MON1A: variants seen among roughly 807,000 people sequenced by gnomAD.
The protein encoded by MON1A is vacuolar fusion protein MON1 homolog A.
In MON1A, 29 loss-of-function variants were observed where a neutral mutation model predicts 44.6. The observed-to-expected ratio is 0.65, with a 90% CI of 0.48 to 0.89. The LOEUF (loss-of-function observed/expected upper bound fraction) is 0.89. Ranked by LOEUF, MON1A falls within the 40% of genes least tolerant of loss-of-function variation. The pLI, the probability that MON1A is intolerant of heterozygous loss-of-function variation, is 0.00. For missense variants in MON1A, 615 were observed against 759.6 expected, an observed-to-expected ratio of 0.81 and a Z score of 2.24; for synonymous variants, 275 against 316.4, an observed-to-expected ratio of 0.87 and a Z score of 1.39.
Position 49,910,169 on chromosome 3 carries a change from A to G in MON1A, c.1329T>C (p.Pro443=). ...PYYSVAQVGI[P]DLRHFLYKSK... is the part of the protein sequence containing the mutation. ...ACTTATAGAGGAAGTGACGCAGGTC[A>G]GGGATGCCCACTTGGGCAACGCTGT... is the stretch of plus-strand genomic sequence containing the variant. Residue 443 remains proline, a synonymous_variant, in exon 4 of 6, where the codon CCT becomes CCC. Coordinates refer to ENST00000296473, the MANE Select transcript of MON1A (RefSeq NM_032355.4). The surrounding 1 kb of genome is among the most constrained non-coding windows in gnomAD (Gnocchi z 8.0). The G allele has an allele frequency of 6.2e-7, 1 of 1,611,198 alleles. No homozygotes were observed. Among genetic ancestry groups the G allele is most frequent in the African/African-American group, 1.3e-5 (1 of 75,012 alleles).
intron 2 of MON1A, chr3:49,912,330 A>T: frequency 3.8e-6 from 1 of 261,386 alleles, no homozygotes; most frequent in East Asian, 7.7e-5. Context: ...CTGCTCTCAG[A>T]TACTTTCAAC....
chr3:49,912,147 C>T, intron 2 of MON1A, 136 bp from the exon 3 acceptor site: 1 of 1,101,140 alleles, frequency 9.1e-7, no homozygotes, highest in South Asian at 1.7e-5. Flanking sequence ...CTGCCACTGT[C>T]TGCCATGGAT....
chr3:49,926,373 C>G (rs1288042828), intron 1 of MON1A, among the ~76,000 whole-genome samples: 1 of 152,222 alleles, frequency 6.6e-6, no homozygotes, highest in Admixed American at 6.5e-5. Flanking sequence ...CTCCTTACCC[C>G]TCTTGCCCTG....
Position 49,917,768 on chromosome 3 carries a change from C to T in MON1A, c.-13-4409G>A, listed in dbSNP as rs554850230. ...AGTCGTTAGAAGAGAACTTCCGGGG[C>T]GAGTGTGGTGGCTCACGCCTGTAAT... On this transcript the variant is annotated intron_variant, in intron 1 of 5. Transcript: ENST00000296473. Among the ~76,000 whole-genome samples the T allele has an allele frequency of 3.3e-5, 5 of 151,554 alleles. No homozygotes were observed. The East Asian group carries it at 7.9e-4, about 24-fold the overall frequency.
intron 1 of MON1A, among the ~76,000 whole-genome samples, chr3:49,928,586 C>T: frequency 6.6e-6 from 1 of 152,062 alleles, no homozygotes. Flanking sequence ...CAGAGAAGGC[C>T]TTCAGAAGCC....
rs756270040 is a variant in MON1A at position 49,911,643 on chromosome 3, TC to T, written c.495del (p.Lys166SerfsTer44). On this transcript the variant is annotated frameshift_variant, in exon 3 of 6. Transcript: ENST00000296473. LOFTEE classifies it high-confidence loss of function. The surrounding 1 kb of genome is among the most constrained non-coding windows in gnomAD (Gnocchi z 5.7). ...QKHVFVLSEAGKPVYSRYGSE... is the reference protein window; with the variant it reads ...QKHVFVLSEAXKPVYSRYGSE... ...GACCCATAGCGGGAGTACACAGGCTTCCCTGCCTCACTCAGCACAAAGACAT... is the reference window on the plus strand; with the variant it reads ...GACCCATAGCGGGAGTACACAGGCTTCCTGCCTCACTCAGCACAAAGACAT... The T allele has an allele frequency of 6.2e-7, 1 of 1,614,108 alleles. No individual in the cohort carries two copies. Among genetic ancestry groups the T allele is most frequent in the Non-Finnish European group, 8.5e-7 (1 of 1,179,968 alleles).
At chr3:49,917,092 C>T (rs1234481872) in intron 1 of MON1A, among the ~76,000 whole-genome samples, 9 of 152,150 alleles carry the variant, frequency 5.9e-5, no homozygotes, top group Non-Finnish European at 1.0e-4. Flanking sequence ...TCCTGAGTCG[C>T]TGGGAACACA....
At chr3:49,921,638 CTT>C (rs34960189) in intron 1 of MON1A, among the ~76,000 whole-genome samples, 227 of 129,724 alleles carry the variant, frequency 1.7e-3, no homozygotes, top group Admixed American at 4.5e-3. Flanking sequence ...CGTGGTAGCA[CTT>C]TTTTTTTTTT....
chr3:49,928,057 T>G (rs1379817012), intron 1 of MON1A, among the ~76,000 whole-genome samples: 2 of 152,236 alleles, frequency 1.3e-5, no homozygotes, highest in Non-Finnish European at 2.9e-5. Context: ...CCTTGTGGGC[T>G]TTAGCTGACT....
intron 1 of MON1A, among the ~76,000 whole-genome samples, chr3:49,918,128 G>A (rs1438114242): frequency 1.3e-5 from 2 of 152,006 alleles, no homozygotes; most frequent in African/African-American, 4.8e-5. Context: ...CCTGAGGTCA[G>A]GAGTTCGCAA....
In MON1A at chr3:49,909,914, T is replaced by C. The variant is rs2082853908; in HGVS notation, c.1379+205A>G. Reference sequence around the variant, plus strand: ...GTATATTGGGCATTTCCAGGCCTTCTGGTTAATAAAGTAGAGAGGGTATGC... The same window carrying C: ...GTATATTGGGCATTTCCAGGCCTTCCGGTTAATAAAGTAGAGAGGGTATGC... On this transcript the variant is annotated intron_variant, in intron 4 of 5. Coordinates refer to ENST00000296473, the MANE Select transcript of MON1A (RefSeq NM_032355.4). The surrounding 1 kb of genome is among the most constrained non-coding windows in gnomAD (Gnocchi z 4.0). 1.8e-6 allele frequency: 1 copy of C among 553,042 alleles called. No homozygotes were observed. The highest frequency in any genetic ancestry group is 3.4e-5 in the South Asian group (1 of 29,130). 34.3% of individuals were successfully genotyped at this position (553,042 alleles called of 1,614,324 possible).
In MON1A at chr3:49,910,370, G is replaced by A. The variant is rs2082860944; in HGVS notation, c.1128C>T (p.Gly376=). ...PVCLPKFNAA[G]FFHAHISYLE... ...GGTAAGAGATGTGTGCGTGGAAGAA[G>A]CCGGCTGCGTTGAATTTGGGCAGGC... Residue 376 remains glycine, a synonymous_variant, in exon 4 of 6, where the codon GGC becomes GGT. Coordinates refer to ENST00000296473, the MANE Select transcript of MON1A (RefSeq NM_032355.4). The surrounding 1 kb of genome is among the most constrained non-coding windows in gnomAD (Gnocchi z 8.0). The A allele has an allele frequency of 1.2e-6, 2 of 1,614,134 alleles. No homozygotes were observed. The highest frequency in any genetic ancestry group is 2.2e-5 in the South Asian group (2 of 91,092).
At chr3:49,918,667 C>T (rs1376127697) in intron 1 of MON1A, among the ~76,000 whole-genome samples, 1 of 151,964 alleles carries the variant, frequency 6.6e-6, no homozygotes, top group East Asian at 2.0e-4. Flanking sequence ...CCGCCTCAGT[C>T]CCCCAAAGTG....
intron 1 of MON1A, among the ~76,000 whole-genome samples, chr3:49,913,894 C>T (rs2082917610): frequency 6.6e-6 from 1 of 151,546 alleles, no homozygotes; most frequent in Admixed American, 6.6e-5. Context: ...GAACTCCTGA[C>T]CTCAAGTGAT....
chr3:49,917,308 C>T (rs557054480), intron 1 of MON1A, among the ~76,000 whole-genome samples: 18 of 152,018 alleles, frequency 1.2e-4, no homozygotes, highest in African/African-American at 2.4e-4. Context: ...TTCTTTGAGA[C>T]GGAGTCTGGC....
chr3:49,919,139 C>T (rs2082974140), intron 1 of MON1A, among the ~76,000 whole-genome samples: 1 of 152,104 alleles, frequency 6.6e-6, no homozygotes, highest in African/African-American at 2.4e-5. Flanking sequence ...GTGGTGATCA[C>T]ACCACTGCAC....
At chr3:49,917,247 CCAG>C (rs1421420004) in intron 1 of MON1A, among the ~76,000 whole-genome samples, 1 of 152,204 alleles carries the variant, frequency 6.6e-6, no homozygotes, top group African/African-American at 2.4e-5. Flanking sequence ...CAGCTGTGAG[CCAG>C]CACCCGGCCT....
Position 49,910,490 on chromosome 3 carries a change from C to T in MON1A, c.1008G>A (p.Lys336=), listed in dbSNP as rs758022535. Reference sequence around the variant, plus strand: ...GGTCGATGGGGTGCAGAAATTGGTCCTTTCGGCGCACGAGTGCCACGAGCT... The same window carrying T: ...GGTCGATGGGGTGCAGAAATTGGTCTTTTCGGCGCACGAGTGCCACGAGCT... The part of the protein sequence containing the change: ...RNQLVALVRR[K]DQFLHPIDLH... Residue 336 remains lysine (K), a synonymous_variant, in exon 4 of 6, where the codon AAG becomes AAA. Coordinates refer to ENST00000296473, the MANE Select transcript of MON1A (RefSeq NM_032355.4). This position sits in a 1 kb window ranked among gnomAD's most constrained non-coding sequence, Gnocchi z 8.0. 8.1e-6 allele frequency: 13 copies of T among 1,613,972 alleles called. No individual in the cohort carries two copies. The South Asian group carries it at 1.4e-4, about 18-fold the overall frequency.
At position 49,910,896 on chromosome 3, in the gene MON1A, A is replaced by T. The variant is rs781396313; in HGVS notation, c.614-12T>A. 3 of 1,581,232 alleles carry T rather than the reference A, an allele frequency of 1.9e-6. No individual in the cohort carries two copies. Among genetic ancestry groups the T allele is most frequent in the Non-Finnish European group, 2.6e-6 (3 of 1,159,044 alleles). On this transcript the variant is annotated splice_polypyrimidine_tract_variant and intron_variant, in intron 3 of 5. Transcript: ENST00000296473. This position sits in a 1 kb window ranked among gnomAD's most constrained non-coding sequence, Gnocchi z 8.0. ...TACCTTGTAGCCATCTGAGAGCGGG[A>T]CAGGAAAGAAGGATGTCAGCCTCAG...
Sources: gnomAD v4.1 joint callset for allele counts (sites outside exome capture counted in the v4.1 genomes callset) on GRCh38, gnomAD v4.1.1 for gene constraint, Gnocchi (gnomAD v3.1) non-coding constraint, MANE v1.5 for transcripts, NCBI Gene and HGNC (gene_info 2026-07-23, HGNC 2026-07-21) for gene names.